MDN1: variants seen among roughly 807,000 people sequenced by gnomAD.
MDN1 encodes the protein midasin AAA ATPase 1, also known as midasin.
A neutral mutation model predicts 669.2 loss-of-function variants in MDN1; 266 were observed. The ratio of observed to expected loss-of-function variants is 0.40; its 90% CI spans 0.36 to 0.44. The LOEUF is 0.44. Ranked by LOEUF, MDN1 falls within the 20% of genes least tolerant of loss-of-function variation. MDN1 has a pLI of 1.00. For synonymous variants in MDN1, 2,385 were observed against 2,457.1 expected, an observed-to-expected ratio of 0.97 and a Z score of 0.87; for missense variants, 5,940 against 6,754.0, an observed-to-expected ratio of 0.88 and a Z score of 4.22.
At chr6:89,778,834 C>T (rs191377795) in intron 11 of MDN1, among the ~76,000 whole-genome samples, 71 of 150,196 alleles carry the variant, frequency 4.7e-4, no homozygotes, top group Non-Finnish European at 8.7e-4. Context: ...TGCAGTGAGC[C>T]GAGATCACGC....
chr6:89,735,889 A>AGG (rs1815940713), intron 33 of MDN1, among the ~76,000 whole-genome samples: 1 of 152,116 alleles, frequency 6.6e-6, no homozygotes, highest in Non-Finnish European at 1.5e-5. Context: ...GCGTTGTGGC[A>AGG]CATGCCTGTA....
rs1368178336 is a variant in MDN1, at chr6:89,653,131, A to G, written c.15686T>C (p.Ile5229Thr). Residue 5229 changes from isoleucine (I) to threonine (T), a missense_variant, in exon 94 of 102, where the codon ATC (isoleucine) becomes ACC (threonine). Ile to Thr is a moderately conservative substitution (Grantham distance 89). Around this residue, in one of 5 missense-constraint regions of MDN1, gnomAD observed 2,280 missense variants for 2,576.3 expected, o/e 0.88. Transcript: ENST00000369393. ...GTCTTCCTCTGTTTTAACAGTTTGGATCTCCACTTCCATCTCATCAAAGCC... is the reference window on the plus strand; with the variant it reads ...GTCTTCCTCTGTTTTAACAGTTTGGGTCTCCACTTCCATCTCATCAAAGCC... ...PLGFDEMEVE[I>T]QTVKTEEDQD... 6.2e-7 allele frequency: 1 copy of G among 1,612,980 alleles called. No homozygotes were observed. Among genetic ancestry groups the G allele is most frequent in the East Asian group, 2.2e-5 (1 of 44,860 alleles).
rs373428812 is a variant in MDN1 at position 89,672,651 on chromosome 6, T to G, written c.13526A>C (p.Glu4509Ala). 21 of 1,614,158 alleles carry G rather than the reference T, an allele frequency of 1.3e-5. No homozygotes were observed. The Middle Eastern group carries it at 6.6e-4, about 51-fold the overall frequency. The change falls in exon 81 of 102, where the codon GAA (glutamate) becomes GCA (alanine). Residue 4509 changes from glutamate to alanine, a missense_variant. By Grantham distance (107) the Glu-to-Ala change is moderately radical (BLOSUM62 -1). Transcript: ENST00000369393. Reference protein sequence around the residue: ...GFVEDFSEQMEIAIRAILCAI... With the variant: ...GFVEDFSEQMAIAIRAILCAI... Reference sequence around the variant, plus strand: ...ACAGAGGATGGCTCGGATGGCAATTTCCATTTGCTCTGAAAAATCTTCCAC... The same window carrying G: ...ACAGAGGATGGCTCGGATGGCAATTGCCATTTGCTCTGAAAAATCTTCCAC...
chr6:89,700,886 T>C, intron 55 of MDN1, 30 bp from the exon 56 acceptor site: 1 of 1,599,660 alleles, frequency 6.3e-7, no homozygotes, highest in East Asian at 2.2e-5. Context: ...AAGAGCATAC[T>C]ATAGAGCACA....
rs756613642 is a variant in MDN1 at position 89,700,826 on chromosome 6, G to A, written c.8458C>T (p.Leu2820=). 3.1e-6 allele frequency: 5 copies of A among 1,614,156 alleles called. No individual in the cohort carries two copies. The highest frequency in any genetic ancestry group is 1.1e-5 in the South Asian group (1 of 91,084). The change falls in exon 56 of 102, where the codon CTG becomes TTG. Residue 2820 remains leucine (L), a synonymous_variant. Transcript: ENST00000369393. ...DKLVVECFSQ[L]KVLNKVLAIR... ...GCAAGGACTTTGTTAAGGACCTTCAGTTGTGAAAAACACTCCACCACCAGC... is the reference window on the plus strand; with the variant it reads ...GCAAGGACTTTGTTAAGGACCTTCAATTGTGAAAAACACTCCACCACCAGC...
chr6:89,743,637 T>C lies in MDN1; in HGVS notation c.4256A>G (p.His1419Arg). ...ACCCAGGAAGTCTGATGTCTCCATG[T>C]GTAAGTGGCAGCTGACAGAGTATAA... ...QKLYSVSCHLHMETSDFLGGL... is the reference protein window; with the variant it reads ...QKLYSVSCHLRMETSDFLGGL... The change falls in exon 30 of 102, where the codon CAC becomes CGC. Residue 1419 changes from histidine to arginine, a missense_variant. Coordinates refer to ENST00000369393, the MANE Select transcript of MDN1 (RefSeq NM_014611.3). 1 of 1,614,116 alleles carries C rather than the reference T, an allele frequency of 6.2e-7. No homozygotes were observed. The highest frequency in any genetic ancestry group is 8.5e-7 in the Non-Finnish European group (1 of 1,179,978).
chr6:89,751,595 G>A lies in MDN1; in HGVS notation c.3076-13C>T. The stretch of plus-strand genomic sequence containing the variant: ...GCTCTGGAATAGGCTGAAAGACACA[G>A]AAGTTCAAGGAATAACCCACAGTTG... On this transcript the variant is annotated splice_polypyrimidine_tract_variant and intron_variant, in intron 22 of 101. Coordinates refer to ENST00000369393, the MANE Select transcript of MDN1 (RefSeq NM_014611.3). The A allele has an allele frequency of 6.2e-7, 1 of 1,611,358 alleles. No homozygotes were observed.
chr6:89,686,017 T>A, intron 69 of MDN1, 44 bp from the exon 70 acceptor site: 1 of 1,585,166 alleles, frequency 6.3e-7, no homozygotes, highest in African/African-American at 1.3e-5. Flanking sequence ...CCTTCGACCA[T>A]GACTCCCTAT....
chr6:89,683,721 G>T, intron 72 of MDN1, 110 bp downstream of exon 72: 1 of 807,436 alleles, frequency 1.2e-6, no homozygotes, highest in Non-Finnish European at 2.1e-6. Flanking sequence ...TTTTTGAGAA[G>T]TTTAACACAC....
At chr6:89,740,923 AT>A (rs1204951375) in intron 31 of MDN1, among the ~76,000 whole-genome samples, 4 of 152,220 alleles carry the variant, frequency 2.6e-5, no homozygotes, top group African/African-American at 9.6e-5. Context: ...CTATTGAATG[AT>A]GGAAATGTTG....
At chr6:89,650,484 AG>A (rs1340530459) in intron 96 of MDN1, among the ~76,000 whole-genome samples, 1 of 152,260 alleles carries the variant, frequency 6.6e-6, no homozygotes, top group African/African-American at 2.4e-5. Context: ...GAAAAGATCT[AG>A]GTGAGTAACA....
intron 73 of MDN1, among the ~76,000 whole-genome samples, chr6:89,681,089 TCA>T (rs2128306093): frequency 2.6e-5 from 4 of 152,270 alleles, no homozygotes; most frequent in African/African-American, 9.6e-5. Context: ...ATTGTGTTTC[TCA>T]GACACAGCAG....
intron 100 of MDN1, among the ~76,000 whole-genome samples, chr6:89,646,126 G>A (rs1410812672): frequency 3.3e-5 from 5 of 152,138 alleles, no homozygotes; most frequent in South Asian, 2.1e-4. Context: ...ATATACTCGG[G>A]TTTTGCATCC....
rs1200073408 is a variant in MDN1, at chr6:89,745,292, G to A, written c.4159C>T (p.Leu1387=). The change falls in exon 29 of 102, where the codon CTG becomes TTG. Residue 1387 remains leucine (L), a synonymous_variant. Transcript: ENST00000369393. ...CTTTACCCAGTGTCTCCAACCAGCAGCACAGGTTCACCAAATTCCAATGCC... is the reference window on the plus strand; with the variant it reads ...CTTTACCCAGTGTCTCCAACCAGCAACACAGGTTCACCAAATTCCAATGCC... ...GRALEFGEPV[L]LVGDTGCGKT... 1.9e-6 allele frequency: 3 copies of A among 1,613,742 alleles called. No individual in the cohort carries two copies. The highest frequency in any genetic ancestry group is 1.6e-4 in the Middle Eastern group (1 of 6,078).
chr6:89,669,717 A>C (rs1380588090), intron 83 of MDN1, among the ~76,000 whole-genome samples: 1 of 152,128 alleles, frequency 6.6e-6, no homozygotes, highest in Non-Finnish European at 1.5e-5. Flanking sequence ...CAAATGAGGA[A>C]ACTGAGGCTT....
intron 71 of MDN1, among the ~76,000 whole-genome samples, chr6:89,684,171 C>T (rs565678197): frequency 2.6e-5 from 4 of 151,996 alleles, no homozygotes; most frequent in South Asian, 2.1e-4. Context: ...GGTGAAACCC[C>T]GTCTCTACTA....
chr6:89,673,995 CT>C, intron 79 of MDN1, 108 bp downstream of exon 79: 1 of 1,001,202 alleles, frequency 1.0e-6, no homozygotes, highest in Non-Finnish European at 1.3e-6. Context: ...CCAGGGCTGT[CT>C]AAAAGCTGCT....
At position 89,683,326 on chromosome 6, in the gene MDN1, G is replaced by A. The variant is rs1811773407; in HGVS notation, c.11908C>T (p.Leu3970Phe). Residue 3970 changes from leucine (L) to phenylalanine (F), a missense_variant, in exon 73 of 102, where the codon CTC becomes TTC. By Grantham distance (22) the Leu-to-Phe change is conservative. Transcript: ENST00000369393. ...KQSVEKTHRT[L>F]FKFMKKFEAV... The stretch of plus-strand genomic sequence containing the variant: ...TCAAATTTCTTCATGAATTTAAAGA[G>A]TGTCCTGTCCCCAGGTAATGACAGA... The A allele has an allele frequency of 4.3e-6, 7 of 1,613,952 alleles. No homozygotes were observed. The East Asian group carries it at 1.3e-4, about 31-fold the overall frequency.
At chr6:89,816,373 C>T (rs967743821) in intron 1 of MDN1, among the ~76,000 whole-genome samples, 33 of 152,002 alleles carry the variant, frequency 2.2e-4, no homozygotes, top group African/African-American at 8.0e-4. Flanking sequence ...GCAGTCCAGC[C>T]TGGGTGACAG....
Sources: gnomAD v4.1 joint callset for allele counts (sites outside exome capture counted in the v4.1 genomes callset) on GRCh38, gnomAD v4.1.1 for gene constraint, gnomAD v4.1.1 regional missense constraint, MANE v1.5 for transcripts, NCBI Gene and HGNC (gene_info 2026-07-23, HGNC 2026-07-21) for gene names.